KIF27: variants seen among roughly 807,000 people sequenced by gnomAD.
KIF27 encodes the protein kinesin family member 27.
Under a neutral mutation model 141.8 loss-of-function variants are expected in KIF27, and 84 were observed. The observed-to-expected ratio is 0.59, with a 90% CI of 0.50 to 0.71. The LOEUF is 0.71. KIF27 is among the 30% of genes least tolerant of loss of function. The probability of loss-of-function intolerance (pLI) is 0.00; values close to 1 mark genes in which losing one functional copy is unlikely to be tolerated. For missense variants in KIF27, 1,306 were observed against 1,628.4 expected, an observed-to-expected ratio of 0.80 and a Z score of 3.41; for synonymous variants, 471 against 569.5, an observed-to-expected ratio of 0.83 and a Z score of 2.46.
At chr9:83,862,272 T>A (rs1394993799) in intron 13 of KIF27, among the ~76,000 whole-genome samples, 1 of 151,888 alleles carries the variant, frequency 6.6e-6, no homozygotes, top group Non-Finnish European at 1.5e-5. Flanking sequence ...CTGAATGGTA[T>A]TGCCTAGGTT....
At chr9:83,888,323 A>G (rs2132319793) in intron 8 of KIF27, among the ~76,000 whole-genome samples, 166 bp downstream of exon 8, 1 of 152,326 alleles carries the variant, frequency 6.6e-6, no homozygotes, top group South Asian at 2.1e-4. Flanking sequence ...TAAAAGAGTA[A>G]AAGAGGTAAA....
At position 83,851,873 on chromosome 9, in the gene KIF27, T is replaced by A. The variant is rs147284079; in HGVS notation, c.3358-1576A>T. ...GGCCAGGCACCGTGGCTCACACCTG[T>A]AATCCCAGCACTTTGGGAGGCCGAG... On this transcript the variant is annotated intron_variant, in intron 15 of 17. Coordinates refer to ENST00000297814, the MANE Select transcript of KIF27 (RefSeq NM_017576.4). Among the ~76,000 whole-genome samples, 682 of 152,310 alleles carry A rather than the reference T, an allele frequency of 4.5e-3. 18 individuals carry two copies. Among genetic ancestry groups the A allele is most frequent in the East Asian group, 0.041 (214 of 5,180 alleles).
At chr9:83,899,305 C>A (rs1953602648) in intron 5 of KIF27, among the ~76,000 whole-genome samples, 1 of 152,130 alleles carries the variant, frequency 6.6e-6, no homozygotes, top group African/African-American at 2.4e-5. Context: ...TAATTTAATA[C>A]ATTTTAAAGT....
chr9:83,836,145 T>C lies in KIF27; in HGVS notation c.*856A>G, dbSNP rs1564249695. ...GAAAAAAATATCAGACTTAAGCCCA[T>C]CAAATCATTAAAGATGCTTTGGCAA... On this transcript the variant is annotated 3_prime_UTR_variant, in exon 18 of 18. Transcript: ENST00000297814. Among the ~76,000 whole-genome samples the C allele has an allele frequency of 6.6e-6, 1 of 152,164 alleles. No homozygotes were observed. Among genetic ancestry groups the C allele is most frequent in the Non-Finnish European group, 1.5e-5 (1 of 68,030 alleles).
intron 17 of KIF27, chr9:83,837,725 T>C (rs1016300361): frequency 8.7e-5 from 28 of 323,470 alleles, no homozygotes; most frequent in African/African-American, 5.5e-4. Flanking sequence ...AATTGAGAAA[T>C]AGTCTTTTGG....
chr9:83,883,913 A>G lies in KIF27; in HGVS notation c.2345T>C (p.Leu782Pro). 2 of 1,613,408 alleles carry G rather than the reference A, an allele frequency of 1.2e-6. No individual in the cohort carries two copies. The highest frequency in any genetic ancestry group is 2.2e-5 in the South Asian group (2 of 91,058). ...KVELIETQKQ[L>P]QELENKDLSD... ...AAGATCTTTGTTTTCCAGCTCCTGT[A>G]GCTGCTTTTGTGTTTCAATCAGTTC... is the stretch of plus-strand genomic sequence containing the variant. Residue 782 changes from leucine (L) to proline (P), a missense_variant, in exon 10 of 18, where the codon CTA becomes CCA. This residue lies in a region of KIF27 where 596 missense variants were observed against 751.6 expected (regional missense o/e 0.79). Coordinates refer to ENST00000297814, the MANE Select transcript of KIF27 (RefSeq NM_017576.4).
At chr9:83,917,465 C>A (rs1955814597) in intron 1 of KIF27, among the ~76,000 whole-genome samples, 1 of 152,060 alleles carries the variant, frequency 6.6e-6, no homozygotes, top group Non-Finnish European at 1.5e-5. Context: ...ACAAGCTGAT[C>A]CTAAAATCAC....
At chr9:83,897,511 T>A (rs1953394816) in intron 5 of KIF27, among the ~76,000 whole-genome samples, 1 of 152,130 alleles carries the variant, frequency 6.6e-6, no homozygotes, top group Non-Finnish European at 1.5e-5. Context: ...ACAATAAAGC[T>A]TCTGGAAGAT....
At chr9:83,849,928 A>G (rs966997344) in intron 16 of KIF27, among the ~76,000 whole-genome samples, 171 bp downstream of exon 16, 1 of 152,234 alleles carries the variant, frequency 6.6e-6, no homozygotes, top group African/African-American at 2.4e-5. Context: ...GCCCTACAAC[A>G]AAGTCAACTG....
intron 14 of KIF27, 32 bp downstream of exon 14, chr9:83,859,118 TCATACA>T: frequency 1.6e-6 from 2 of 1,275,518 alleles, no homozygotes; most frequent in Non-Finnish European, 2.3e-6. Context: ...AAGTGATCCA[TCATACA>T]GCACCTCCAG....
At chr9:83,838,241 G>GT (rs11409684) in intron 17 of KIF27, among the ~76,000 whole-genome samples, 64,544 of 149,698 alleles carry the variant, frequency 0.43, 14,331 homozygotes, top group African/African-American at 0.54. Flanking sequence ...GTTTTTTGTT[G>GT]TTTTTTTTTT....
intron 3 of KIF27, 73 bp from the exon 4 acceptor site, chr9:83,904,091 CT>C (rs1954234421): frequency 8.5e-7 from 1 of 1,178,556 alleles, no homozygotes. Flanking sequence ...TTACCATTTG[CT>C]AAACAGCCTG....
At chr9:83,869,043 T>C (rs1337007387) in intron 12 of KIF27, among the ~76,000 whole-genome samples, 2 of 151,982 alleles carry the variant, frequency 1.3e-5, no homozygotes, top group East Asian at 3.9e-4. Context: ...AAACTGTGAG[T>C]GGGGTTTGAA....
chr9:83,847,832 T>C (rs1013863160), intron 16 of KIF27: 3 of 152,040 alleles, frequency 2.0e-5, no homozygotes, highest in Non-Finnish European at 4.4e-5. Flanking sequence ...GACTCCAAGT[T>C]CTTTAGTTTT....
At chr9:83,866,769 G>C (rs58248061) in intron 13 of KIF27, among the ~76,000 whole-genome samples, 1 of 151,798 alleles carries the variant, frequency 6.6e-6, no homozygotes, top group African/African-American at 2.4e-5. Context: ...CGAGCTACTC[G>C]GGAGACTGAT....
rs992938303 is a variant in KIF27 at position 83,834,981 on chromosome 9, T to G, written c.*2020A>C. 2.0e-5 allele frequency among the ~76,000 whole-genome samples: 3 copies of G among 148,084 alleles called. No individual in the cohort carries two copies. Among genetic ancestry groups the G allele is most frequent in the Non-Finnish European group, 4.5e-5 (3 of 67,366 alleles). ...AGTATATATAATGGTAAAAGGTCAG[T>G]GCCTTCAACAAAGCACAGCAATAAT... is the stretch of plus-strand genomic sequence containing the variant. On this transcript the variant is annotated 3_prime_UTR_variant, in exon 18 of 18. Coordinates refer to ENST00000297814, the MANE Select transcript of KIF27 (RefSeq NM_017576.4).
Position 83,837,327 on chromosome 9 carries a change from T to G in KIF27, c.3880A>C (p.Lys1294Gln). The change falls in exon 18 of 18, where the codon AAG becomes CAG. Residue 1294 changes from lysine (K) to glutamine (Q), a missense_variant. Around this residue, in one of 4 missense-constraint regions of KIF27, gnomAD observed 148 missense variants for 250.9 expected, o/e 0.59. Transcript: ENST00000297814. ...SSLRTQPNPQ[K>Q]LWEDIPELPP... ...AATTCTGGGATATCTTCCCAGAGCTTTTGAGGATTTGGCTGTGTTCTTAAG... is the reference window on the plus strand; with the variant it reads ...AATTCTGGGATATCTTCCCAGAGCTGTTGAGGATTTGGCTGTGTTCTTAAG... The G allele has an allele frequency of 1.2e-6, 2 of 1,607,460 alleles. No individual in the cohort carries two copies. Among genetic ancestry groups the G allele is most frequent in the Non-Finnish European group, 1.7e-6 (2 of 1,174,266 alleles).
chr9:83,864,032 T>A (rs1401924923), intron 13 of KIF27, among the ~76,000 whole-genome samples: 1 of 152,186 alleles, frequency 6.6e-6, no homozygotes, highest in Non-Finnish European at 1.5e-5. Context: ...ATCCCCTTTA[T>A]CATTTTTTAT....
chr9:83,858,691 T>C (rs1949542781), intron 14 of KIF27: 1 of 159,526 alleles, frequency 6.3e-6, no homozygotes, highest in Non-Finnish European at 1.4e-5. Context: ...GGACATAGTA[T>C]GGACACTGGG....
Sources: gnomAD v4.1 joint callset for allele counts (sites outside exome capture counted in the v4.1 genomes callset) on GRCh38, gnomAD v4.1.1 for gene constraint, gnomAD v4.1.1 regional missense constraint, MANE v1.5 for transcripts, NCBI Gene and HGNC (gene_info 2026-07-23, HGNC 2026-07-21) for gene names.